The following PBRM1 variants were observed in gnomAD, a reference collection of about 807,000 sequenced individuals.
The protein encoded by PBRM1 is polybromo 1, also known as protein polybromo-1.
Under a neutral mutation model 194.5 loss-of-function variants are expected in PBRM1, and 27 were observed. The observed-to-expected ratio is 0.14, with a 90% CI of 0.10 to 0.19. The LOEUF is 0.19. Among genes scored for constraint, PBRM1 ranks in the 10% least tolerant of loss-of-function variants. The pLI, the probability that PBRM1 is intolerant of heterozygous loss-of-function variation, is 1.00. For synonymous variants in PBRM1, 655 were observed against 693.2 expected, an observed-to-expected ratio of 0.94 and a Z score of 0.87; for missense variants, 1,466 against 2,077.2, an observed-to-expected ratio of 0.71 and a Z score of 5.72.
At chr3:52,651,637 C>T (rs963359641) in intron 6 of PBRM1, 105 bp downstream of exon 7, 4 of 569,924 alleles carry the variant, frequency 7.0e-6, no homozygotes, top group Non-Finnish European at 1.2e-5. Context: ...TGCTAATAAC[C>T]CCTTACAGAG....
intron 11 of PBRM1, among the ~76,000 whole-genome samples, chr3:52,630,736 CCT>C (rs1368410854): frequency 1.3e-5 from 2 of 152,280 alleles, no homozygotes; most frequent in African/African-American, 2.4e-5. Context: ...CTTACTCTCC[CCT>C]GTGTGCCACA....
chr3:52,568,926 C>T (rs1411419092), intron 22 of PBRM1, among the ~76,000 whole-genome samples: 5 of 152,018 alleles, frequency 3.3e-5, no homozygotes, highest in African/African-American at 7.2e-5. Flanking sequence ...ACTTTGTTGC[C>T]CAGCCTGGAG....
upstream of PBRM1, chr3:52,679,835 C>T (rs936860561): frequency 6.9e-6 from 5 of 724,370 alleles, no homozygotes; most frequent in Non-Finnish European, 6.3e-6. Context: ...GATATTTTAA[C>T]GTGTTGTAGT....
chr3:52,669,168 G>A (rs1319268010), intron 2 of PBRM1, among the ~76,000 whole-genome samples: 1 of 152,048 alleles, frequency 6.6e-6, no homozygotes. Context: ...AGGAAGATGA[G>A]CCCTTGGCTT....
At chr3:52,634,874 T>A in intron 10 of PBRM1, 59 bp from the exon 12 acceptor site, 1 of 1,181,944 alleles carries the variant, frequency 8.5e-7, no homozygotes, top group Non-Finnish European at 1.2e-6. Flanking sequence ...AGAACCATAC[T>A]TTAAAGTTCA....
chr3:52,553,433 G>T (rs1308695762), intron 27 of PBRM1, among the ~76,000 whole-genome samples: 1 of 150,782 alleles, frequency 6.6e-6, no homozygotes, highest in African/African-American at 2.4e-5. Flanking sequence ...TCTGTTGACA[G>T]ACAAACCAGT....
chr3:52,561,908 T>C (rs2153493402), exon 25 of PBRM1: 1 of 1,614,192 alleles, frequency 6.2e-7, no homozygotes, highest in Non-Finnish European at 8.5e-7. Flanking sequence ...TAGCCACTCA[T>C]GTTGATTTTC....
At chr3:52,586,657 C>T (rs756678646) in exon 20 of PBRM1, 36 of 1,595,772 alleles carry the variant, frequency 2.3e-5, no homozygotes, top group African/African-American at 5.5e-5. Context: ...ATCCTCATCT[C>T]GGAAGTTTTC....
At chr3:52,568,578 T>C (rs2086080273) in intron 22 of PBRM1, among the ~76,000 whole-genome samples, 1 of 152,166 alleles carries the variant, frequency 6.6e-6, no homozygotes, top group African/African-American at 2.4e-5. Flanking sequence ...ATCTTTGTTG[T>C]TTAATTTTAT....
chr3:52,643,110 A>C (rs1190967684), intron 9 of PBRM1, 138 bp downstream of exon 10: 7 of 678,930 alleles, frequency 1.0e-5, no homozygotes, highest in Non-Finnish European at 1.6e-5. Context: ...CTTTTAAATA[A>C]ACCATTTGAC....
At chr3:52,634,627 T>C (rs2153644192) in exon 11 of PBRM1, 1 of 1,611,548 alleles carries the variant, frequency 6.2e-7, no homozygotes, top group Non-Finnish European at 8.5e-7. Flanking sequence ...GATATGGGCA[T>C]TTTAATTTGC....
intron 19 of PBRM1, 43 bp downstream of exon 21, chr3:52,587,310 C>G: frequency 7.3e-7 from 1 of 1,377,544 alleles, no homozygotes; most frequent in Non-Finnish European, 1.0e-6. Flanking sequence ...AAATTTTATT[C>G]CTAGGGAATG....
At chr3:52,668,197 T>C (rs547204279) in intron 3 of PBRM1, among the ~76,000 whole-genome samples, 1 of 152,014 alleles carries the variant, frequency 6.6e-6, no homozygotes. Context: ...CTCAGAAGGG[T>C]GAGGTGGGAG....
intron 13 of PBRM1, among the ~76,000 whole-genome samples, chr3:52,625,194 C>G (rs2095408497): frequency 6.6e-6 from 1 of 152,180 alleles, no homozygotes; most frequent in Admixed American, 6.5e-5. Context: ...CAGAATCATA[C>G]ACAGCACTTA....
intron 10 of PBRM1, among the ~76,000 whole-genome samples, chr3:52,638,492 G>A (rs1210730560): frequency 6.6e-6 from 1 of 151,886 alleles, no homozygotes; most frequent in Non-Finnish European, 1.5e-5. Context: ...CTGAGCAGCT[G>A]GGATTACAGG....
intron 3 of PBRM1, among the ~76,000 whole-genome samples, chr3:52,663,703 T>C (rs1313922514): frequency 6.6e-6 from 1 of 152,176 alleles, no homozygotes; most frequent in Non-Finnish European, 1.5e-5. Flanking sequence ...GGAATTCAAA[T>C]AATTAGATTA....
intron 2 of PBRM1, among the ~76,000 whole-genome samples, chr3:52,670,901 A>AT (rs2096932997): frequency 6.6e-6 from 1 of 152,230 alleles, no homozygotes; most frequent in Non-Finnish European, 1.5e-5. Flanking sequence ...CTTAAAGACC[A>AT]TATTTATTCT....
At chr3:52,579,270 C>A (rs773012107) in intron 20 of PBRM1, 71 bp from the exon 23 acceptor site, 25 of 1,393,698 alleles carry the variant, frequency 1.8e-5, no homozygotes, top group Non-Finnish European at 2.4e-5. Flanking sequence ...GAAACGAAAG[C>A]AGACTTTTCT....
At chr3:52,600,321 G>T (rs780420999) in intron 17 of PBRM1, among the ~76,000 whole-genome samples, 1 of 152,056 alleles carries the variant, frequency 6.6e-6, no homozygotes, top group African/African-American at 2.4e-5. Context: ...TGAGAATCTG[G>T]TCACTTTATG....
Sources: gnomAD v4.1 joint callset for allele counts (sites outside exome capture counted in the v4.1 genomes callset) on GRCh38, gnomAD v4.1.1 for gene constraint, MANE v1.5 for transcripts, NCBI Gene and HGNC (gene_info 2026-07-23, HGNC 2026-07-21) for gene names.